UEVLD: variants seen among roughly 807,000 people sequenced by gnomAD.
The protein encoded by UEVLD is ubiquitin-conjugating enzyme E2 variant 3.
Under a neutral mutation model 58.6 loss-of-function variants are expected in UEVLD, and 47 were observed. That is an observed-to-expected ratio of 0.80 (90% CI 0.63 to 1.02). UEVLD has a LOEUF of 1.02. Ranked by LOEUF, UEVLD falls within the 50% of genes least tolerant of loss-of-function variation. UEVLD has a pLI of 0.00. For missense variants in UEVLD, 510 were observed against 550.6 expected, an observed-to-expected ratio of 0.93 and a Z score of 0.74; for synonymous variants, 197 against 195.3, an observed-to-expected ratio of 1.01 and a Z score of -0.07.
intron 6 of UEVLD, among the ~76,000 whole-genome samples, chr11:18,563,330 C>A (rs57773549): frequency 0.029 from 4,375 of 152,240 alleles, 231 homozygotes; most frequent in African/African-American, 0.1. Flanking sequence ...GTGGGGCATG[C>A]TTGTACTCCC....
intron 3 of UEVLD, among the ~76,000 whole-genome samples, chr11:18,573,369 C>T (rs967781389): frequency 6.6e-6 from 1 of 152,146 alleles, no homozygotes; most frequent in African/African-American, 2.4e-5. Context: ...AGTTTCCTTC[C>T]CTCTTCCTCT....
intron 9 of UEVLD, among the ~76,000 whole-genome samples, chr11:18,544,267 T>C (rs113213611): frequency 0.013 from 2,043 of 152,290 alleles, 19 homozygotes; most frequent in Non-Finnish European, 0.021. Context: ...CAGATATATG[T>C]GAATGCCATG....
chr11:18,560,733 G>A (rs1234463997), intron 6 of UEVLD, among the ~76,000 whole-genome samples: 1 of 152,044 alleles, frequency 6.6e-6, no homozygotes. Flanking sequence ...GATTTTGGCC[G>A]GGCATGGTGG....
chr11:18,541,721 C>A (rs1215132621), intron 9 of UEVLD, among the ~76,000 whole-genome samples: 1 of 152,080 alleles, frequency 6.6e-6, no homozygotes, highest in Non-Finnish European at 1.5e-5. Context: ...AGGAAAAAAC[C>A]TTTATCATAT....
intron 6 of UEVLD, among the ~76,000 whole-genome samples, chr11:18,561,002 C>T (rs1852007464): frequency 8.0e-6 from 1 of 125,032 alleles, no homozygotes; most frequent in South Asian, 2.4e-4. Context: ...GAGCGGGACT[C>T]CATCTCAAAA....
Position 18,536,478 on chromosome 11 carries a change from A to G in UEVLD, c.1061-9T>C. The G allele has an allele frequency of 6.2e-7, 1 of 1,611,646 alleles. No homozygotes were observed. On this transcript the variant is annotated splice_polypyrimidine_tract_variant and intron_variant, in intron 9 of 11. Coordinates refer to ENST00000396197, the MANE Select transcript of UEVLD (RefSeq NM_001040697.4). ...GCCACTCCATGTGAGCACTAAAATT[A>G]GATGAAGAATTAATTATGTTTTGCC...
At position 18,532,345 on chromosome 11, in the gene UEVLD, C is replaced by T. The variant is rs745804785; in HGVS notation, c.1391G>A (p.Ser464Asn). 7 of 1,610,150 alleles carry T rather than the reference C, an allele frequency of 4.3e-6. No homozygotes were observed. The highest frequency in any genetic ancestry group is 3.3e-5 in the South Asian group (3 of 90,048). ...KLQSSASSIHSLQQQLKL is the reference protein window; with the variant it reads ...KLQSSASSIHNLQQQLKL ...TCAAAGTTTTAACTGTTGTTGGAGA[C>T]TGTGGATTGAGGATGCACTGCTTTG... The change falls in exon 12 of 12, where the codon AGT (serine) becomes AAT (asparagine). Residue 464 changes from serine (S) to asparagine (N), a missense_variant. Ser to Asn is a conservative substitution (Grantham distance 46, BLOSUM62 1). Transcript: ENST00000396197.
At position 18,534,500 on chromosome 11, in the gene UEVLD, C is replaced by T. The variant is rs1486827553; in HGVS notation, c.1125-47G>A. ...TCTCAGAAAATGCATAAAATATGCA[C>T]ATTTAGTTTTACATTCTGGCTAAGG... On this transcript the variant is annotated intron_variant, in intron 10 of 11. Coordinates refer to ENST00000396197, the MANE Select transcript of UEVLD (RefSeq NM_001040697.4). The T allele has an allele frequency of 2.0e-6, 3 of 1,533,528 alleles. No individual in the cohort carries two copies. The African/African-American group carries it at 4.3e-5, about 22-fold the overall frequency. The allele number at this position is 1,533,528 out of a possible 1,614,324, so 95.0% of individuals were successfully genotyped here.
At position 18,563,417 on chromosome 11, in the gene UEVLD, T is replaced by C. The variant is rs148059018; in HGVS notation, c.612+1475A>G. Among the ~76,000 whole-genome samples, 1,116 of 149,836 alleles carry C rather than the reference T, an allele frequency of 7.4e-3. 13 individuals are homozygous for C. The highest frequency in any genetic ancestry group is 0.026 in the African/African-American group (1,065 of 40,784). ...ACCAGCCTGGGCAACATGGTGAAACTCTGTCTCTACAAAAAAATACAAGAA... is the reference window on the plus strand; with the variant it reads ...ACCAGCCTGGGCAACATGGTGAAACCCTGTCTCTACAAAAAAATACAAGAA... On this transcript the variant is annotated intron_variant, in intron 6 of 11. Coordinates refer to ENST00000396197, the MANE Select transcript of UEVLD (RefSeq NM_001040697.4).
intron 4 of UEVLD, among the ~76,000 whole-genome samples, chr11:18,568,937 C>T (rs1476393106): frequency 6.6e-6 from 1 of 152,090 alleles, no homozygotes; most frequent in Non-Finnish European, 1.5e-5. Flanking sequence ...CTCTGTCGCC[C>T]AGGCTGGAGT....
In UEVLD at chr11:18,578,775, T is replaced by C. The variant is rs10500835; in HGVS notation, c.76A>G (p.Arg26Gly). 1 of 1,607,672 alleles carries C rather than the reference T, an allele frequency of 6.2e-7. No individual in the cohort carries two copies. Among genetic ancestry groups the C allele is most frequent in the Non-Finnish European group, 8.5e-7 (1 of 1,176,690 alleles). Residue 26 changes from arginine to glycine, a missense_variant, in exon 2 of 12, where the codon AGG becomes GGG. Transcript: ENST00000396197. ...KFRDLTVEEL[R>G]NVNVFFPHFK... is the part of the protein sequence containing the mutation. ...TGTGGGAAAAATACATTTACATTCC[T>C]TAGTTCTTCCACAGTTAGGTCCCTG...
At chr11:18,571,296 G>A (rs983218923) in intron 3 of UEVLD, among the ~76,000 whole-genome samples, 5 of 151,882 alleles carry the variant, frequency 3.3e-5, no homozygotes, top group African/African-American at 4.8e-5. Context: ...GCAGTGAGCC[G>A]AGATTGCGCC....
intron 1 of UEVLD, among the ~76,000 whole-genome samples, chr11:18,583,600 T>G (rs1464585608): frequency 6.6e-6 from 1 of 151,392 alleles, no homozygotes; most frequent in Non-Finnish European, 1.5e-5. Flanking sequence ...TACTTTGTAG[T>G]ATCATTTATT....
At position 18,529,896 on chromosome 11, in the gene UEVLD, A is replaced by T. The variant is rs905178817; in HGVS notation, c.*2424T>A. ...TTACTAATACACTTAACACTCAAGG[A>T]AATATCTGATACAGAGAATTACTTC... is the stretch of plus-strand genomic sequence containing the variant. On this transcript the variant is annotated 3_prime_UTR_variant, in exon 12 of 12. Coordinates refer to ENST00000396197, the MANE Select transcript of UEVLD (RefSeq NM_001040697.4). 1 of 152,218 alleles carries T rather than the reference A, an allele frequency of 6.6e-6. No homozygotes were observed. The highest frequency in any genetic ancestry group is 1.5e-5 in the Non-Finnish European group (1 of 68,026). The allele number at this position is 152,218 out of a possible 1,614,324, so 9.4% of individuals were successfully genotyped here.
At chr11:18,556,532 T>C (rs1210714491) in intron 7 of UEVLD, among the ~76,000 whole-genome samples, 4 of 152,148 alleles carry the variant, frequency 2.6e-5, no homozygotes, top group East Asian at 1.9e-4. Context: ...TTGGAAAATA[T>C]TGTCAAGGAA....
chr11:18,558,135 A>G, intron 7 of UEVLD, 93 bp downstream of exon 7: 1 of 803,662 alleles, frequency 1.2e-6, no homozygotes, highest in South Asian at 2.6e-5. Flanking sequence ...GACTTGGACA[A>G]GGTGATCTTT....
At chr11:18,579,970 T>G (rs1431971717) in intron 1 of UEVLD, among the ~76,000 whole-genome samples, 1 of 151,128 alleles carries the variant, frequency 6.6e-6, no homozygotes, top group Non-Finnish European at 1.5e-5. Flanking sequence ...ACTTGAAGAC[T>G]GTATTGTTAA....
At position 18,546,926 on chromosome 11, in the gene UEVLD, C is replaced by T; in HGVS notation, c.840G>A (p.Leu280=). Residue 280 remains leucine, a synonymous_variant, in exon 8 of 12, where the codon CTG becomes CTA. Transcript: ENST00000396197. The part of the protein sequence containing the change: ...VDMFRALVPA[L]GHYSQHSVLL... ...GGACACTGTGTTGACTATAATGTCC[C>T]AGAGCTGGGACAAGGGCTCTGAACA... is the stretch of plus-strand genomic sequence containing the variant. The T allele has an allele frequency of 6.2e-7, 1 of 1,613,768 alleles. No homozygotes were observed. Among genetic ancestry groups the T allele is most frequent in the East Asian group, 2.2e-5 (1 of 44,894 alleles).
At chr11:18,543,550 T>C (rs1007564233) in intron 9 of UEVLD, among the ~76,000 whole-genome samples, 1 of 152,236 alleles carries the variant, frequency 6.6e-6, no homozygotes, top group Non-Finnish European at 1.5e-5. Flanking sequence ...TTATAGAATT[T>C]TCTCTAGTCA....
Sources: allele counts gnomAD v4.1 joint callset (sites outside exome capture counted in the v4.1 genomes callset), GRCh38; gene constraint gnomAD v4.1.1; transcripts MANE v1.5; gene names NCBI Gene and HGNC (gene_info 2026-07-23, HGNC 2026-07-21).